SPMIP2: variants seen among roughly 807,000 people sequenced by gnomAD.
SPMIP2 encodes sperm microtubule inner protein 2, also known as protein SPMIP2.
the SPMIP2 span, among the ~76,000 whole-genome samples, chr4:158,980,074 A>C: frequency 7.2e-5 from 11 of 151,968 alleles, no homozygotes; most frequent in African/African-American, 2.7e-4. Context: ...CTCACAGTGT[A>C]AACAAAGCTT....
the SPMIP2 span, among the ~76,000 whole-genome samples, chr4:159,018,177 G>A: frequency 2.0e-5 from 3 of 152,188 alleles, no homozygotes; most frequent in Admixed American, 6.5e-5. Flanking sequence ...CAGGGAAGGA[G>A]CTGGAGTTCA....
chr4:158,946,060 C>A, the SPMIP2 span, among the ~76,000 whole-genome samples: 1 of 152,092 alleles, frequency 6.6e-6, no homozygotes, highest in Non-Finnish European at 1.5e-5. Context: ...AGATGACAGA[C>A]CAGTGAATTG....
At chr4:158,922,016 T>C in the SPMIP2 span, among the ~76,000 whole-genome samples, 5 of 151,584 alleles carry the variant, frequency 3.3e-5, no homozygotes, top group South Asian at 2.1e-4. Flanking sequence ...GCCTCCCAAG[T>C]AGCTGGGACT....
chr4:158,976,051 C>A, the SPMIP2 span, among the ~76,000 whole-genome samples: 1 of 152,238 alleles, frequency 6.6e-6, no homozygotes, highest in East Asian at 1.9e-4. Flanking sequence ...ATTTTATTCT[C>A]TTTGTAGCAA....
chr4:158,975,965 CTT>C, the SPMIP2 span, among the ~76,000 whole-genome samples: 1 of 152,252 alleles, frequency 6.6e-6, no homozygotes, highest in African/African-American at 2.4e-5. Flanking sequence ...TGTGTCCTCT[CTT>C]ATTTCCTCGA....
At chr4:158,938,916 G>A in the SPMIP2 span, among the ~76,000 whole-genome samples, 1 of 152,174 alleles carries the variant, frequency 6.6e-6, no homozygotes, top group Admixed American at 6.5e-5. Flanking sequence ...AGATCATCTA[G>A]GGTCATCTAT....
chr4:158,940,276 G>A, the SPMIP2 span, among the ~76,000 whole-genome samples: 4 of 152,016 alleles, frequency 2.6e-5, no homozygotes, highest in Non-Finnish European at 5.9e-5. Context: ...CCACCACAAT[G>A]ACCTCATTTT....
the SPMIP2 span, among the ~76,000 whole-genome samples, chr4:158,949,140 A>C: frequency 6.6e-6 from 1 of 152,142 alleles, no homozygotes; most frequent in African/African-American, 2.4e-5. Flanking sequence ...TATCCTGATC[A>C]TTTTTAGCTA....
chr4:159,001,339 T>C, the SPMIP2 span, among the ~76,000 whole-genome samples: 1 of 150,034 alleles, frequency 6.7e-6, no homozygotes, highest in Non-Finnish European at 1.5e-5. Context: ...CGTCTTCTTA[T>C]TGAGAGAGTT....
the SPMIP2 span, among the ~76,000 whole-genome samples, chr4:159,014,380 G>A: frequency 4.6e-5 from 7 of 152,156 alleles, no homozygotes; most frequent in Admixed American, 4.6e-4. Flanking sequence ...TTGAACCCAG[G>A]AGGCAGAGGT....
chr4:158,965,555 T>C, the SPMIP2 span, among the ~76,000 whole-genome samples: 11 of 151,648 alleles, frequency 7.3e-5, no homozygotes, highest in Admixed American at 5.9e-4. Flanking sequence ...GGAAGTATGC[T>C]CCCCCCAAGT....
chr4:158,986,359 G>T, the SPMIP2 span, among the ~76,000 whole-genome samples: 1 of 152,108 alleles, frequency 6.6e-6, no homozygotes, highest in Non-Finnish European at 1.5e-5. Flanking sequence ...AAAGCTGGAG[G>T]CATCACGCTA....
chr4:159,037,931 CT>C, the SPMIP2 span, among the ~76,000 whole-genome samples: 1 of 151,944 alleles, frequency 6.6e-6, no homozygotes, highest in Non-Finnish European at 1.5e-5. Flanking sequence ...CTTAATCCAT[CT>C]GGAGATCACT....
chr4:159,017,349 A>AT, the SPMIP2 span, among the ~76,000 whole-genome samples: 9 of 80,074 alleles, frequency 1.1e-4, no homozygotes, highest in Admixed American at 1.0e-3. Context: ...ACACAAACAC[A>AT]AACACATACA....
the SPMIP2 span, among the ~76,000 whole-genome samples, chr4:158,985,099 T>C: frequency 6.8e-6 from 1 of 147,958 alleles, no homozygotes; most frequent in African/African-American, 2.5e-5. Flanking sequence ...GTTGAATCTC[T>C]GAATAGACCA....
chr4:159,039,862 C>T, the SPMIP2 span, among the ~76,000 whole-genome samples: 1 of 152,232 alleles, frequency 6.6e-6, no homozygotes, highest in Non-Finnish European at 1.5e-5. Context: ...GAGGCCAATG[C>T]AGTGGCCCTG....
chr4:158,953,706 G>A, the SPMIP2 span, among the ~76,000 whole-genome samples: 1 of 152,212 alleles, frequency 6.6e-6, no homozygotes, highest in Non-Finnish European at 1.5e-5. Flanking sequence ...ACTGTACCCT[G>A]CAAAGCCACA....
At chr4:159,064,863 T>C in the SPMIP2 span, among the ~76,000 whole-genome samples, 1 of 152,194 alleles carries the variant, frequency 6.6e-6, no homozygotes, top group African/African-American at 2.4e-5. Flanking sequence ...TTTCCACATA[T>C]GGAAAGAATA....
the SPMIP2 span, among the ~76,000 whole-genome samples, chr4:158,984,019 AAACC>A: frequency 1.8e-5 from 2 of 112,364 alleles, no homozygotes; most frequent in African/African-American, 6.7e-5. Flanking sequence ...AACAGACTTT[AAACC>A]AACAAAGATC....
Sources: allele counts gnomAD v4.1 joint callset (sites outside exome capture counted in the v4.1 genomes callset), GRCh38; gene constraint gnomAD v4.1.1; transcripts MANE v1.5; gene names NCBI Gene and HGNC (gene_info 2026-07-23, HGNC 2026-07-21).